The following COG6 variants were observed in gnomAD, a reference collection of about 807,000 sequenced individuals.
COG6 encodes conserved oligomeric Golgi complex subunit 6.
A neutral mutation model predicts 88.8 loss-of-function variants in COG6; 74 were observed. That is an observed-to-expected ratio of 0.83 (90% CI 0.69 to 1.01). The LOEUF (loss-of-function observed/expected upper bound fraction) is 1.01. COG6 is among the 50% of genes least tolerant of loss of function. The pLI is 0.00. For synonymous variants in COG6, 286 were observed against 278.7 expected (o/e 1.03, Z -0.26); for missense variants, 800 against 797.9 (o/e 1.00, Z -0.03).
At chr13:39,734,080 TCTTTTGTA>T (rs1274001729) in intron 18 of COG6, among the ~76,000 whole-genome samples, 2 of 152,140 alleles carry the variant, frequency 1.3e-5, no homozygotes, top group Non-Finnish European at 2.9e-5. Context: ...GTTTCATCAC[TCTTTTGTA>T]CTTTTGTTTC....
At chr13:39,686,398 G>A (rs982129770) in intron 8 of COG6, among the ~76,000 whole-genome samples, 1 of 152,174 alleles carries the variant, frequency 6.6e-6, no homozygotes, top group Admixed American at 6.5e-5. Context: ...GAGAGCTCCA[G>A]GCCATTTTTA....
chr13:39,759,506 TTTAG>T (rs1194805286), intron 18 of COG6, among the ~76,000 whole-genome samples: 5 of 152,186 alleles, frequency 3.3e-5, no homozygotes, highest in Admixed American at 3.3e-4. Flanking sequence ...TCTTTCCTAA[TTTAG>T]TTAAATATGC....
rs374782207 is a variant in COG6, at chr13:39,759,112, A to G, written c.1827-29223A>G. The stretch of plus-strand genomic sequence containing the variant: ...GAGACAGCTAACAGGTACTTTTTGG[A>G]GTGATAGAAATGTCCTGGAACTACA... On this transcript the variant is annotated intron_variant, in intron 18 of 18. Transcript: ENST00000416691. 5.3e-5 allele frequency among the ~76,000 whole-genome samples: 8 copies of G among 152,268 alleles called. No individual in the cohort carries two copies. In the East Asian group the frequency reaches 1.2e-3, roughly 22 times the overall value.
At chr13:39,693,331 CTCTT>C (rs1205684857) in intron 11 of COG6, among the ~76,000 whole-genome samples, 1 of 151,712 alleles carries the variant, frequency 6.6e-6, no homozygotes, top group South Asian at 2.1e-4. Flanking sequence ...CCTCTTTTCT[CTCTT>C]TCTTAAGGGA....
intron 3 of COG6, among the ~76,000 whole-genome samples, chr13:39,663,442 TGAG>T (rs1196714276): frequency 2.6e-5 from 4 of 152,152 alleles, no homozygotes; most frequent in African/African-American, 7.2e-5. Context: ...ATCTTTGACT[TGAG>T]GGGATACTAT....
chr13:39,744,354 C>A (rs2138132972), intron 18 of COG6, among the ~76,000 whole-genome samples: 1 of 152,222 alleles, frequency 6.6e-6, no homozygotes, highest in East Asian at 1.9e-4. Flanking sequence ...TTTAGAAAAC[C>A]CCATTTTCCC....
chr13:39,751,907 A>G lies in COG6; in HGVS notation c.*814A>G, dbSNP rs1191717501. 4 of 1,259,642 alleles carry G rather than the reference A, an allele frequency of 3.2e-6. No homozygotes were observed. The highest frequency in any genetic ancestry group is 4.2e-6 in the Non-Finnish European group (4 of 963,770). The allele number at this position is 1,259,642 out of a possible 1,614,324, so 78.0% of individuals were successfully genotyped here. A position where few individuals can be genotyped will look rare whatever the true frequency, so the allele number is the denominator to read the frequency against. ...TTTAAAGATGGGTATTTGTCATACA[A>G]TATGGGTCCTAAATCCAACCAACTA... On this transcript the variant is annotated 3_prime_UTR_variant, in exon 19 of 19. Transcript: ENST00000455146.
chr13:39,657,960 CG>C (rs1874631411), intron 1 of COG6, among the ~76,000 whole-genome samples: 1 of 151,968 alleles, frequency 6.6e-6, no homozygotes, highest in Non-Finnish European at 1.5e-5. Flanking sequence ...TTAACATGGG[CG>C]GAACTCTTGA....
intron 18 of COG6, among the ~76,000 whole-genome samples, chr13:39,732,152 G>A (rs895230412): frequency 3.3e-5 from 5 of 151,994 alleles, no homozygotes; most frequent in African/African-American, 7.3e-5. Context: ...AGACACACCC[G>A]GAAATTATGC....
chr13:39,786,958 C>G (rs1034074730), intron 18 of COG6, among the ~76,000 whole-genome samples: 1 of 152,138 alleles, frequency 6.6e-6, no homozygotes, highest in African/African-American at 2.4e-5. Context: ...AACTGAGACA[C>G]TTAATACTAT....
At position 39,709,591 on chromosome 13, in the gene COG6, T is replaced by C. The variant is rs545552384; in HGVS notation, c.1285-9645T>C. On this transcript the variant is annotated intron_variant, in intron 13 of 18. Transcript: ENST00000455146. ...AGATTATGGCCTGAAGTTCCACTCA[T>C]GTTGTTGCAAAAGAAATGATTTCAT... Among the ~76,000 whole-genome samples the C allele has an allele frequency of 2.1e-4, 32 of 152,254 alleles. 1 individual carries two copies. The highest frequency in any genetic ancestry group is 3.8e-4 in the Non-Finnish European group (26 of 67,996).
intron 13 of COG6, among the ~76,000 whole-genome samples, chr13:39,702,372 C>T (rs978747044): frequency 2.6e-4 from 40 of 151,994 alleles, no homozygotes; most frequent in Middle Eastern, 3.4e-3. Flanking sequence ...ATAGATTAGT[C>T]ACTTTTTAAG....
Position 39,758,127 on chromosome 13 carries a change from G to A in COG6, c.1827-30208G>A, listed in dbSNP as rs998652584. The stretch of plus-strand genomic sequence containing the variant: ...CCCAGCTACTCGGGAGGCTGAGGCA[G>A]GAGAATCACTTGAACCTGGGAGGTG... On this transcript the variant is annotated intron_variant, in intron 18 of 18. Coordinates refer to the COG6 transcript ENST00000416691. Among the ~76,000 whole-genome samples the A allele has an allele frequency of 2.0e-5, 3 of 150,702 alleles. No individual in the cohort carries two copies. The Admixed American group carries it at 2.0e-4, about 10-fold the overall frequency.
rs182557510 is a variant in COG6 at position 39,668,416 on chromosome 13, T to C, written c.428+3262T>C. 1.8e-4 allele frequency among the ~76,000 whole-genome samples: 27 copies of C among 152,262 alleles called. No homozygotes were observed. The East Asian group carries it at 5.2e-3, about 29-fold the overall frequency. ...TACCTTAATTCTCTCATCTCCTAACTGGTAAACTTTGAAAAAACATTTTAA... is the reference window on the plus strand; with the variant it reads ...TACCTTAATTCTCTCATCTCCTAACCGGTAAACTTTGAAAAAACATTTTAA... On this transcript the variant is annotated intron_variant, in intron 4 of 18. Transcript: ENST00000455146.
At chr13:39,758,977 T>C (rs1880930978) in intron 18 of COG6, among the ~76,000 whole-genome samples, 1 of 152,136 alleles carries the variant, frequency 6.6e-6, no homozygotes, top group Non-Finnish European at 1.5e-5. Context: ...CACAAAAGGC[T>C]ATATATAATT....
intron 18 of COG6, among the ~76,000 whole-genome samples, chr13:39,731,196 A>G (rs1240334755): frequency 5.3e-5 from 8 of 152,072 alleles, no homozygotes; most frequent in South Asian, 2.1e-4. Context: ...AACTTTATCT[A>G]TCTTCATAGT....
At chr13:39,756,286 A>G (rs1880831441), downstream of COG6, among the ~76,000 whole-genome samples, 1 of 152,144 alleles carries the variant, frequency 6.6e-6, no homozygotes. Flanking sequence ...AATTTTGAGC[A>G]GGCAGGAGAA....
rs1566179845 is a variant in COG6 at position 39,687,530 on chromosome 13, CAGA to C, written c.822_824del (p.Arg274del). On this transcript the variant is annotated inframe_deletion, in exon 9 of 19. Coordinates refer to ENST00000455146, the MANE Select transcript of COG6 (RefSeq NM_020751.3). ...ATACCTTAGATGAATTTGGAACAGCCAGAAGAAGTACAGTTGTTCGTGGATTTA... is the reference window on the plus strand; with the variant it reads ...ATACCTTAGATGAATTTGGAACAGCCAGAAGTACAGTTGTTCGTGGATTTA... 4 of 1,613,022 alleles carry C rather than the reference CAGA, an allele frequency of 2.5e-6. No homozygotes were observed. Among genetic ancestry groups the C allele is most frequent in the Non-Finnish European group, 3.4e-6 (4 of 1,179,444 alleles).
At chr13:39,698,146 A>C (rs964343863) in intron 12 of COG6, among the ~76,000 whole-genome samples, 4 of 151,804 alleles carry the variant, frequency 2.6e-5, no homozygotes, top group African/African-American at 9.7e-5. Flanking sequence ...TCTAGATCTG[A>C]ATAACTGCAA....
Sources: allele counts gnomAD v4.1 joint callset (sites outside exome capture counted in the v4.1 genomes callset), GRCh38; gene constraint gnomAD v4.1.1; transcripts MANE v1.5; gene names NCBI Gene and HGNC (gene_info 2026-07-23, HGNC 2026-07-21).